Variants in SYN3 observed in about 807,000 individuals in gnomAD.
SYN3 encodes synapsin III.
In SYN3, 35 loss-of-function variants were observed where a neutral mutation model predicts 65.8. The observed-to-expected ratio is 0.53, with a 90% CI of 0.41 to 0.70. The LOEUF is 0.70. SYN3 is among the 30% of genes least tolerant of loss of function. SYN3 has a pLI of 0.00. For synonymous variants in SYN3, 270 were observed against 292.9 expected (o/e 0.92, Z 0.80); for missense variants, 680 against 749.0 (o/e 0.91, Z 1.08).
chr22:32,592,802 C>T, intron 7 of SYN3, among the ~76,000 whole-genome samples: 1 of 152,218 alleles, frequency 6.6e-6, no homozygotes, highest in East Asian at 1.9e-4. Context: ...ACACATTATG[C>T]ATATTTACAC....
intron 12 of SYN3, among the ~76,000 whole-genome samples, chr22:32,518,979 A>C (rs2057827898): frequency 1.3e-5 from 2 of 152,188 alleles, no homozygotes; most frequent in African/African-American, 2.4e-5. Flanking sequence ...AAATATCAGG[A>C]GTGTCATGTA....
intron 3 of SYN3, among the ~76,000 whole-genome samples, chr22:32,968,441 G>A (rs993779303): frequency 1.2e-4 from 18 of 152,088 alleles, no homozygotes; most frequent in African/African-American, 2.4e-4. Flanking sequence ...ATGAAATCAC[G>A]GTCACAGCAC....
chr22:32,988,114 CT>C (rs1801458827), intron 2 of SYN3, among the ~76,000 whole-genome samples: 1 of 151,776 alleles, frequency 6.6e-6, no homozygotes, highest in South Asian at 2.1e-4. Context: ...CAAGACCATC[CT>C]GGCCAACATG....
At chr22:32,697,938 G>A (rs1369267039) in intron 6 of SYN3, among the ~76,000 whole-genome samples, 2 of 152,096 alleles carry the variant, frequency 1.3e-5, no homozygotes, top group Non-Finnish European at 2.9e-5. Flanking sequence ...CAAGAGAGAT[G>A]CACGGAGCAG....
chr22:32,723,037 G>A, intron 6 of SYN3, among the ~76,000 whole-genome samples: 1 of 152,150 alleles, frequency 6.6e-6, no homozygotes, highest in South Asian at 2.1e-4. Flanking sequence ...GAAAATGGAG[G>A]TTCCAAAGAA....
At chr22:32,986,732 T>G (rs528301858) in intron 2 of SYN3, among the ~76,000 whole-genome samples, 2 of 152,334 alleles carry the variant, frequency 1.3e-5, no homozygotes, top group South Asian at 4.1e-4. Flanking sequence ...CTCTCATGGC[T>G]GCCTCCTCTT....
At chr22:32,924,018 TCTC>T (rs1233930491) in intron 4 of SYN3, among the ~76,000 whole-genome samples, 1 of 152,208 alleles carries the variant, frequency 6.6e-6, no homozygotes, top group Non-Finnish European at 1.5e-5. Flanking sequence ...AAAGACATGA[TCTC>T]CTTCTTTTTT....
chr22:32,920,106 C>T (rs1601696962), intron 4 of SYN3, among the ~76,000 whole-genome samples: 1 of 152,194 alleles, frequency 6.6e-6, no homozygotes, highest in South Asian at 2.1e-4. Context: ...CTCTTCAGCC[C>T]TCTCTGAGGT....
At chr22:32,942,096 T>G (rs1045195145) in intron 3 of SYN3, among the ~76,000 whole-genome samples, 1 of 151,830 alleles carries the variant, frequency 6.6e-6, no homozygotes, top group Non-Finnish European at 1.5e-5. Context: ...TTGAAGAGAG[T>G]AGTGGTTCTC....
In SYN3 at chr22:32,607,723, C is replaced by A. The variant is rs544676330; in HGVS notation, c.712-10987G>T. Among the ~76,000 whole-genome samples the A allele has an allele frequency of 1.1e-3, 174 of 152,330 alleles. 1 individual carries two copies. The highest frequency in any genetic ancestry group is 3.0e-3 in the African/African-American group (124 of 41,582). On this transcript the variant is annotated intron_variant, in intron 6 of 13. Coordinates refer to ENST00000358763, the MANE Select transcript of SYN3 (RefSeq NM_003490.4). ...CTGTTTCCCTGAGAAACGGAATAGT[C>A]AAAAATAAACAAACTGATAGGATGG...
At position 32,797,408 on chromosome 22, in the gene SYN3, A is replaced by T. The variant is rs1388391880; in HGVS notation, c.711+67507T>A. ...TAAGTATTGTCAAAGAAGTTGATAC[A>T]GGGTGTTGTGGGGATACATGGGAGG... On this transcript the variant is annotated intron_variant, in intron 6 of 13. Coordinates refer to ENST00000358763, the MANE Select transcript of SYN3 (RefSeq NM_003490.4). Among the ~76,000 whole-genome samples, 6 of 152,294 alleles carry T rather than the reference A, an allele frequency of 3.9e-5. No homozygotes were observed. The East Asian group carries it at 1.2e-3, about 29-fold the overall frequency.
intron 6 of SYN3, among the ~76,000 whole-genome samples, chr22:32,653,423 A>G (rs971538102): frequency 6.6e-6 from 1 of 152,208 alleles, no homozygotes; most frequent in Admixed American, 6.5e-5. Flanking sequence ...GCCAATGAAA[A>G]ATGAAACAAA....
At chr22:32,556,596 G>C (rs571473991) in intron 7 of SYN3, among the ~76,000 whole-genome samples, 1 of 152,108 alleles carries the variant, frequency 6.6e-6, no homozygotes, top group African/African-American at 2.4e-5. Context: ...TCGAGTTTGG[G>C]AACTGGAGCC....
Position 32,511,375 on chromosome 22 carries a change from A to G in SYN3, c.*2317T>C, listed in dbSNP as rs738980. Among the ~76,000 whole-genome samples the G allele has an allele frequency of 0.7, 106,273 of 152,158 alleles. 40,553 individuals are homozygous for G. The highest frequency in any genetic ancestry group is 0.92 in the East Asian group (4,735 of 5,170). On this transcript the variant is annotated 3_prime_UTR_variant, in exon 14 of 14. Transcript: ENST00000358763. Reference sequence around the variant, plus strand: ...GGGGGTCTAGAAGAATGTGTCGACAATGATGCCTGCAAAGCAGCAGCTTCA... The same window carrying G: ...GGGGGTCTAGAAGAATGTGTCGACAGTGATGCCTGCAAAGCAGCAGCTTCA...
intron 6 of SYN3, among the ~76,000 whole-genome samples, chr22:32,739,408 G>T: frequency 6.6e-6 from 1 of 151,186 alleles, no homozygotes; most frequent in South Asian, 2.1e-4. Flanking sequence ...ACCCAGTCTC[G>T]GGTATGTCTT....
intron 6 of SYN3, among the ~76,000 whole-genome samples, chr22:32,832,490 C>T (rs559213688): frequency 1.7e-4 from 25 of 150,356 alleles, no homozygotes; most frequent in African/African-American, 4.9e-4. Context: ...CTTCCAATTC[C>T]TGGCCCAGGG....
Position 32,948,736 on chromosome 22 carries a change from C to CAATAAATAAATAAATA in SYN3, c.370-17271_370-17256dup, listed in dbSNP as rs71187222. ...TGGGTGACAGAGTGAGACTCCGTCTCAATAAATAAATAAATAAATAAGTTC... is the reference window on the plus strand; with the variant it reads ...TGGGTGACAGAGTGAGACTCCGTCTCAATAAATAAATAAATAAATAAATAAATAAATAAATAAGTTC... On this transcript the variant is annotated intron_variant, in intron 3 of 13. Coordinates refer to ENST00000358763, the MANE Select transcript of SYN3 (RefSeq NM_003490.4). Among the ~76,000 whole-genome samples the CAATAAATAAATAAATA allele has an allele frequency of 8.6e-3, 1,290 of 149,748 alleles. 6 individuals carry two copies. The highest frequency in any genetic ancestry group is 0.017 in the Middle Eastern group (5 of 290).
At chr22:32,685,541 A>G (rs1017507611) in intron 6 of SYN3, among the ~76,000 whole-genome samples, 2 of 152,196 alleles carry the variant, frequency 1.3e-5, no homozygotes, top group African/African-American at 4.8e-5. Flanking sequence ...ATACACAAAT[A>G]CCAATGTGGT....
intron 4 of SYN3, among the ~76,000 whole-genome samples, chr22:32,871,014 G>A (rs912229249): frequency 5.3e-5 from 8 of 152,118 alleles, no homozygotes; most frequent in African/African-American, 1.9e-4. Flanking sequence ...CATTGTCCAT[G>A]GCCCTGGTTC....
Sources: allele counts gnomAD v4.1 joint callset (sites outside exome capture counted in the v4.1 genomes callset), GRCh38; gene constraint gnomAD v4.1.1; transcripts MANE v1.5; gene names NCBI Gene and HGNC (gene_info 2026-07-23, HGNC 2026-07-21).